ATAD1: variants seen among roughly 807,000 people sequenced by gnomAD.
The protein encoded by ATAD1 is outer mitochondrial transmembrane helix translocase.
ATAD1 carries 18 observed loss-of-function variants against 42.7 expected under a neutral mutation model. The ratio of observed to expected loss-of-function variants is 0.42; its 90% CI spans 0.29 to 0.63. The LOEUF (loss-of-function observed/expected upper bound fraction) is 0.63. ATAD1 is among the 20% of genes least tolerant of loss of function. The probability of loss-of-function intolerance (pLI) is 0.19; values close to 1 mark genes in which losing one functional copy is unlikely to be tolerated. For missense variants in ATAD1, 294 were observed against 440.4 expected (o/e 0.67, Z 2.98); for synonymous variants, 132 against 143.1 (o/e 0.92, Z 0.55).
At chr10:87,783,985 A>G (rs1438005231) in intron 5 of ATAD1, among the ~76,000 whole-genome samples, 1 of 152,130 alleles carries the variant, frequency 6.6e-6, no homozygotes, top group African/African-American at 2.4e-5. Flanking sequence ...ATAAACATCA[A>G]CAAAAGAAAA....
At chr10:87,763,315 T>C (rs960614909) in intron 8 of ATAD1, among the ~76,000 whole-genome samples, 5 of 152,126 alleles carry the variant, frequency 3.3e-5, no homozygotes, top group African/African-American at 4.8e-5. Flanking sequence ...TCTTTGTAAT[T>C]TGCTAGGTTC....
intron 2 of ATAD1, among the ~76,000 whole-genome samples, chr10:87,808,473 C>A (rs1326915077): frequency 6.6e-6 from 1 of 152,138 alleles, no homozygotes; most frequent in African/African-American, 2.4e-5. Flanking sequence ...TCGCCTGAAG[C>A]CGGGAGGCAG....
chr10:87,838,553 C>T (rs1857970097), intron 1 of ATAD1, among the ~76,000 whole-genome samples: 1 of 147,714 alleles, frequency 6.8e-6, no homozygotes, highest in Non-Finnish European at 1.5e-5. Context: ...TTTTAAATGG[C>T]TGTTATGGAT....
At chr10:87,792,009 T>G (rs1856145834) in intron 3 of ATAD1, among the ~76,000 whole-genome samples, 1 of 152,204 alleles carries the variant, frequency 6.6e-6, no homozygotes, top group Non-Finnish European at 1.5e-5. Context: ...CTTAAAGCAG[T>G]ACGCTTTATA....
intron 2 of ATAD1, among the ~76,000 whole-genome samples, chr10:87,807,777 G>A (rs1051705173): frequency 3.9e-5 from 6 of 152,066 alleles, no homozygotes; most frequent in African/African-American, 1.4e-4. Flanking sequence ...CAAGGTAAGT[G>A]CTATTATTAT....
chr10:87,801,784 G>C (rs1433203470), intron 2 of ATAD1, among the ~76,000 whole-genome samples: 1 of 152,176 alleles, frequency 6.6e-6, no homozygotes, highest in African/African-American at 2.4e-5. Context: ...AGGTGCTCTT[G>C]AATGAATGTT....
At position 87,792,138 on chromosome 10, in the gene ATAD1, T is replaced by C. The variant is rs57435456; in HGVS notation, c.261+519A>G. 9.6e-3 allele frequency among the ~76,000 whole-genome samples: 1,458 copies of C among 152,356 alleles called. 33 individuals are homozygous for C. Among genetic ancestry groups the C allele is most frequent in the African/African-American group, 0.033 (1,374 of 41,580 alleles). ...CATATTTGCAAGATTGGCCCTTGGCTGGCATGTGGGAACTTAGATTTCAGA... is the reference window on the plus strand; with the variant it reads ...CATATTTGCAAGATTGGCCCTTGGCCGGCATGTGGGAACTTAGATTTCAGA... On this transcript the variant is annotated intron_variant, in intron 3 of 9. Transcript: ENST00000680024.
intron 8 of ATAD1, among the ~76,000 whole-genome samples, chr10:87,761,209 A>G (rs570461942): frequency 6.6e-6 from 1 of 152,314 alleles, no homozygotes; most frequent in Non-Finnish European, 1.5e-5. Flanking sequence ...TTCAGATTTT[A>G]TTGAAGTAGC....
chr10:87,772,580 G>A (rs142705532), intron 6 of ATAD1, among the ~76,000 whole-genome samples: 5 of 150,992 alleles, frequency 3.3e-5, no homozygotes, highest in African/African-American at 9.9e-5. Context: ...GTCAATATTT[G>A]GGGGGGAAAA....
intron 8 of ATAD1, among the ~76,000 whole-genome samples, chr10:87,761,874 C>T (rs567977779): frequency 6.6e-6 from 1 of 152,054 alleles, no homozygotes; most frequent in Admixed American, 6.5e-5. Context: ...GATCCTCCTG[C>T]CTCAGCCTCC....
chr10:87,815,473 T>A (rs1233436088), intron 1 of ATAD1, among the ~76,000 whole-genome samples: 2 of 151,944 alleles, frequency 1.3e-5, no homozygotes, highest in African/African-American at 4.8e-5. Flanking sequence ...GCCATTATAC[T>A]CTCAGCACAG....
chr10:87,813,497 T>C (rs917818197), intron 2 of ATAD1, among the ~76,000 whole-genome samples: 2 of 152,110 alleles, frequency 1.3e-5, no homozygotes, highest in South Asian at 2.1e-4. Context: ...CTTTCAGATA[T>C]ATACTTATTG....
At chr10:87,800,440 A>G (rs926743893) in intron 2 of ATAD1, among the ~76,000 whole-genome samples, 1 of 152,062 alleles carries the variant, frequency 6.6e-6, no homozygotes, top group Non-Finnish European at 1.5e-5. Context: ...GATGCTAACA[A>G]TGTTTTCATG....
intron 2 of ATAD1, among the ~76,000 whole-genome samples, chr10:87,799,224 C>T (rs144481748): frequency 0.013 from 1,942 of 152,272 alleles, 34 homozygotes; most frequent in Middle Eastern, 0.078. Flanking sequence ...ATACTTATCC[C>T]TGCAAAATAC....
intron 8 of ATAD1, among the ~76,000 whole-genome samples, chr10:87,761,513 A>G (rs980598136): frequency 1.3e-5 from 2 of 152,016 alleles, no homozygotes; most frequent in Admixed American, 6.6e-5. Context: ...AATACAAAAA[A>G]TTCGCTGGGT....
At chr10:87,774,079 T>C (rs1855176084) in intron 6 of ATAD1, among the ~76,000 whole-genome samples, 1 of 152,218 alleles carries the variant, frequency 6.6e-6, no homozygotes, top group Non-Finnish European at 1.5e-5. Flanking sequence ...ACAAACATAA[T>C]GTAGAAGGAG....
In ATAD1 at chr10:87,790,356, T is replaced by C. The variant is rs1010155282; in HGVS notation, c.336A>G (p.Lys112=). The C allele has an allele frequency of 6.2e-7, 1 of 1,613,018 alleles. No individual in the cohort carries two copies. ...TGGAATTCTCAAACAAATGTTTCTTTTTGATAGGTAAGATGACTGTGTCTT... is the reference window on the plus strand; with the variant it reads ...TGGAATTCTCAAACAAATGTTTCTTCTTGATAGGTAAGATGACTGTGTCTT... The part of the protein sequence containing the change: ...DLKDTVILPI[K]KKHLFENSRL... Residue 112 remains lysine, a synonymous_variant, in exon 4 of 10, where the codon AAA becomes AAG. Transcript: ENST00000680024.
intron 5 of ATAD1, among the ~76,000 whole-genome samples, chr10:87,781,161 G>A (rs1298452036): frequency 6.6e-6 from 1 of 151,912 alleles, no homozygotes; most frequent in Non-Finnish European, 1.5e-5. Flanking sequence ...TGTTACAAAT[G>A]ACACAAGGAA....
intron 8 of ATAD1, among the ~76,000 whole-genome samples, chr10:87,757,906 C>T (rs1484470158): frequency 6.6e-6 from 1 of 152,194 alleles, no homozygotes; most frequent in Non-Finnish European, 1.5e-5. Flanking sequence ...TGTGACCTCA[C>T]ATGACAGTGC....
Sources: allele counts gnomAD v4.1 joint callset (sites outside exome capture counted in the v4.1 genomes callset), GRCh38; gene constraint gnomAD v4.1.1; transcripts MANE v1.5; gene names NCBI Gene and HGNC (gene_info 2026-07-23, HGNC 2026-07-21).